VWA3A: variants seen among roughly 807,000 people sequenced by gnomAD.
VWA3A encodes von Willebrand factor A domain-containing protein 3A.
VWA3A carries 134 observed loss-of-function variants against 160.4 expected under a neutral mutation model. The observed-to-expected ratio is 0.84, with a 90% CI of 0.73 to 0.96. VWA3A has a LOEUF of 0.96. VWA3A is among the 40% of genes least tolerant of loss of function. The pLI, the probability that VWA3A is intolerant of heterozygous loss-of-function variation, is 0.00. For missense variants in VWA3A, 1,310 were observed against 1,447.9 expected, an observed-to-expected ratio of 0.90 and a Z score of 1.55; for synonymous variants, 476 against 543.4, an observed-to-expected ratio of 0.88 and a Z score of 1.72.
Position 22,152,557 on chromosome 16 carries a change from C to A in VWA3A, c.3328C>A (p.Arg1110Ser). 6.2e-7 allele frequency: 1 copy of A among 1,612,578 alleles called. No individual in the cohort carries two copies. Among genetic ancestry groups the A allele is most frequent in the Non-Finnish European group, 8.5e-7 (1 of 1,179,294 alleles). The change falls in exon 31 of 34, where the codon CGC becomes AGC. Residue 1110 changes from arginine (R) to serine (S), a missense_variant. By Grantham distance (110) the Arg-to-Ser change is moderately radical. Coordinates refer to ENST00000389398, the MANE Select transcript of VWA3A (RefSeq NM_173615.5). ...LRKLASFTGG[R>S]YHCPVGEDTL... ...AAAGCTGGCTTCCTTCACCGGCGGA[C>A]GCTATCACTGCCCTGTGGGTGAGGA...
Position 22,109,577 on chromosome 16 carries a change from C to A in VWA3A, c.579C>A (p.Leu193=). The A allele has an allele frequency of 3.7e-6, 6 of 1,613,250 alleles. No homozygotes were observed. The highest frequency in any genetic ancestry group is 1.1e-5 in the South Asian group (1 of 91,072). ...AGAAAGAAGAGTTCCAAAAGGACCT[C>A]ATGGTAAGTCTGTCTGGCACAGAGA... ...GPQKEEFQKD[L]MSLIDEQLSH... is the part of the protein sequence containing the mutation. The change falls in exon 7 of 34, where the codon CTC becomes CTA. Residue 193 remains leucine, a synonymous_variant. Transcript: ENST00000389398.
chr16:22,117,243 G>C (rs1230529198), intron 11 of VWA3A, 67 bp downstream of exon 11: 24 of 1,508,616 alleles, frequency 1.6e-5, no homozygotes, highest in Non-Finnish European at 2.2e-5. Context: ...GTTGTACCCA[G>C]GAGATCTGGG....
chr16:22,108,804 G>A (rs2045514937), intron 6 of VWA3A, among the ~76,000 whole-genome samples: 1 of 152,164 alleles, frequency 6.6e-6, no homozygotes, highest in Non-Finnish European at 1.5e-5. Flanking sequence ...AATACAGACA[G>A]TCCTTGACTT....
At chr16:22,137,305 G>A (rs142771903) in intron 21 of VWA3A, among the ~76,000 whole-genome samples, 254 of 152,220 alleles carry the variant, frequency 1.7e-3, no homozygotes, top group South Asian at 5.2e-3. Context: ...TGAGAAAATC[G>A]TAGGCAAAAG....
At chr16:22,143,794 C>T (rs1017660112) in intron 25 of VWA3A, among the ~76,000 whole-genome samples, 7 of 149,688 alleles carry the variant, frequency 4.7e-5, no homozygotes, top group Non-Finnish European at 1.0e-4. Flanking sequence ...GTTGCCCAGG[C>T]TGGAGTGCAG....
At chr16:22,120,190 T>C (rs886109871) in intron 12 of VWA3A, among the ~76,000 whole-genome samples, 1 of 152,176 alleles carries the variant, frequency 6.6e-6, no homozygotes, top group Non-Finnish European at 1.5e-5. Context: ...ATTGCAAAGA[T>C]AGAAATAGAT....
At position 22,155,597 on chromosome 16, in the gene VWA3A, G is replaced by T. The variant is rs768180238; in HGVS notation, c.3436G>T (p.Asp1146Tyr). ...DPTLPPFEGD[D>Y]LRILAQEITK... ...CACATTGCCACCATTTGAAGGAGAT[G>T]ATTTAAGGATCCTGGCCCAGGAGAT... is the stretch of plus-strand genomic sequence containing the variant. Residue 1146 changes from aspartate (D) to tyrosine (Y), a missense_variant, in exon 32 of 34, where the codon GAT (aspartate) becomes TAT (tyrosine). Asp to Tyr is a radical substitution (Grantham distance 160). Transcript: ENST00000389398. 1.9e-6 allele frequency: 3 copies of T among 1,613,970 alleles called. No individual in the cohort carries two copies. The highest frequency in any genetic ancestry group is 2.2e-5 in the South Asian group (2 of 91,084).
At chr16:22,125,486 C>T (rs1034678043) in intron 16 of VWA3A, among the ~76,000 whole-genome samples, 2 of 151,948 alleles carry the variant, frequency 1.3e-5, no homozygotes, top group Admixed American at 6.6e-5. Flanking sequence ...TGCAGTGGCG[C>T]GATCTTGGCT....
At position 22,153,652 on chromosome 16, in the gene VWA3A, C is replaced by T. The variant is rs564451519; in HGVS notation, c.3405+1018C>T. On this transcript the variant is annotated intron_variant, in intron 31 of 33. Coordinates refer to ENST00000389398, the MANE Select transcript of VWA3A (RefSeq NM_173615.5). The stretch of plus-strand genomic sequence containing the variant: ...ATGTTGTCAGTGATAACATTCCCAG[C>T]GCAACAAATTATCAAGTAAGACAAC... Among the ~76,000 whole-genome samples, 17 of 151,972 alleles carry T rather than the reference C, an allele frequency of 1.1e-4. No individual in the cohort carries two copies. The East Asian group carries it at 1.7e-3, about 16-fold the overall frequency.
At chr16:22,155,503 C>G in intron 31 of VWA3A, 64 bp from the exon 32 acceptor site, 1 of 1,469,662 alleles carries the variant, frequency 6.8e-7, no homozygotes, top group South Asian at 1.1e-5. Context: ...AATGCTTTTC[C>G]TGAGATTTTG....
At chr16:22,114,243 A>G (rs2045598524) in intron 8 of VWA3A, among the ~76,000 whole-genome samples, 1 of 152,230 alleles carries the variant, frequency 6.6e-6, no homozygotes, top group African/African-American at 2.4e-5. Context: ...TTTGAAGTAG[A>G]AAGAACAGAC....
intron 7 of VWA3A, among the ~76,000 whole-genome samples, chr16:22,110,472 C>T (rs1289006633): frequency 6.6e-6 from 1 of 152,170 alleles, no homozygotes; most frequent in African/African-American, 2.4e-5. Context: ...GACGGAGTTT[C>T]CAAAGATCCC....
chr16:22,152,357 C>T (rs1194462238), intron 30 of VWA3A, among the ~76,000 whole-genome samples, 154 bp from the exon 31 acceptor site: 3 of 152,060 alleles, frequency 2.0e-5, no homozygotes, highest in Admixed American at 1.3e-4. Context: ...GGAAAGTGTC[C>T]TCTAATGGTG....
chr16:22,156,124 C>T lies in VWA3A; in HGVS notation c.*107C>T. The stretch of plus-strand genomic sequence containing the variant: ...GCTGTGACCTGCAGGAAACATGATT[C>T]CTGGTACCAGGACTCTCTGGAAGCT... On this transcript the variant is annotated 3_prime_UTR_variant, in exon 34 of 34. Transcript: ENST00000389398. 3.4e-6 allele frequency: 2 copies of T among 596,798 alleles called. No homozygotes were observed. The highest frequency in any genetic ancestry group is 5.9e-6 in the Non-Finnish European group (2 of 340,198). The allele number at this position is 596,798 out of a possible 1,614,324, so 37.0% of individuals were successfully genotyped here.
intron 22 of VWA3A, 175 bp downstream of exon 22, chr16:22,138,687 C>A: frequency 1.2e-6 from 1 of 840,932 alleles, no homozygotes; most frequent in Non-Finnish European, 1.8e-6. Flanking sequence ...CCGCGGGGGG[C>A]CGGCTCCTCA....
At chr16:22,144,426 A>G (rs887041068) in intron 26 of VWA3A, 42 bp downstream of exon 26, 20 of 1,604,614 alleles carry the variant, frequency 1.2e-5, no homozygotes, top group Non-Finnish European at 1.6e-5. Flanking sequence ...TTCTCCCCCA[A>G]CTCAGCTGCA....
At chr16:22,107,785 T>A (rs1309538597) in intron 6 of VWA3A, among the ~76,000 whole-genome samples, 1 of 152,098 alleles carries the variant, frequency 6.6e-6, no homozygotes, top group Non-Finnish European at 1.5e-5. Context: ...TCTGCATTTC[T>A]AACAAGCTGG....
chr16:22,143,947 C>G (rs980270424), intron 25 of VWA3A, among the ~76,000 whole-genome samples: 1 of 151,746 alleles, frequency 6.6e-6, no homozygotes, highest in Non-Finnish European at 1.5e-5. Flanking sequence ...ACCATGTTGG[C>G]CAGGCTGTTC....
intron 10 of VWA3A, 76 bp from the exon 11 acceptor site, chr16:22,117,035 G>A (rs950359192): frequency 2.0e-6 from 3 of 1,499,960 alleles, no homozygotes; most frequent in Non-Finnish European, 2.7e-6. Context: ...ATAATTGGGA[G>A]GTTCAGTCAA....
Sources: gnomAD v4.1 joint callset for allele counts (sites outside exome capture counted in the v4.1 genomes callset) on GRCh38, gnomAD v4.1.1 for gene constraint, MANE v1.5 for transcripts, NCBI Gene and HGNC (gene_info 2026-07-23, HGNC 2026-07-21) for gene names.